The following ERMP1 variants were observed in gnomAD, a reference collection of about 807,000 sequenced individuals.
ERMP1 encodes endoplasmic reticulum metallopeptidase 1, also known as Felix-ina.
ERMP1 carries 86 observed loss-of-function variants against 92.0 expected under a neutral mutation model. The ratio of observed to expected loss-of-function variants is 0.93; its 90% CI spans 0.79 to 1.12. The LOEUF is 1.12. Among genes scored for constraint, ERMP1 ranks in the 50% most tolerant of loss-of-function variants. The probability of loss-of-function intolerance (pLI) is 0.00; values close to 1 mark genes in which losing one functional copy is unlikely to be tolerated. For missense variants in ERMP1, 1,342 were observed against 1,116.3 expected, an observed-to-expected ratio of 1.20 and a Z score of -2.88; for synonymous variants, 530 against 412.8, an observed-to-expected ratio of 1.28 and a Z score of -3.44.
At chr9:5,803,016 G>T (rs554085041) in intron 10 of ERMP1, among the ~76,000 whole-genome samples, 2 of 151,026 alleles carry the variant, frequency 1.3e-5, no homozygotes, top group African/African-American at 4.8e-5. Context: ...CTGAGTGACA[G>T]AGCGAGACTC....
At chr9:5,846,643 G>A (rs925084041) in intron 6 of ERMP1, among the ~76,000 whole-genome samples, 1 of 152,240 alleles carries the variant, frequency 6.6e-6, no homozygotes, top group Middle Eastern at 3.4e-3. Flanking sequence ...ACTTACTCCC[G>A]TGGGTGTGAA....
rs1827968061 is a variant in ERMP1 at position 5,787,036 on chromosome 9, T to G, written c.*108A>C. 1 of 1,151,622 alleles carries G rather than the reference T, an allele frequency of 8.7e-7. No homozygotes were observed. The highest frequency in any genetic ancestry group is 1.6e-5 in the South Asian group (1 of 63,622). 71.3% of individuals were successfully genotyped at this position (1,151,622 alleles called of 1,614,324 possible). On this transcript the variant is annotated 3_prime_UTR_variant, in exon 15 of 15. Transcript: ENST00000339450. Reference sequence around the variant, plus strand: ...TAACCCAGAAAGCTCTTTGAACATATGATCATTAAAATTCATTGACTTACG... The same window carrying G: ...TAACCCAGAAAGCTCTTTGAACATAGGATCATTAAAATTCATTGACTTACG...
At position 5,832,859 on chromosome 9, in the gene ERMP1, T is replaced by C. The variant is rs1430814466; in HGVS notation, c.169A>G (p.Ser57Gly). The C allele has an allele frequency of 2.6e-6, 4 of 1,514,134 alleles. No individual in the cohort carries two copies. The highest frequency in any genetic ancestry group is 8.8e-7 in the Non-Finnish European group (1 of 1,139,970). The allele number at this position is 1,514,134 out of a possible 1,614,324, so 93.8% of individuals were successfully genotyped here. A position where few individuals can be genotyped will look rare whatever the true frequency, so the allele number is the denominator to read the frequency against. Residue 57 changes from serine (S) to glycine (G), a missense_variant, in exon 1 of 15, where the codon AGC (serine) becomes GGC (glycine). Transcript: ENST00000339450. ...CCCGCGCCCCTGCTCGCGCCGCCGC[T>C]ACCCCCGGGGCTCCTCTTCCGCGTC... ...GRTRKRSPGG[S>G]GGASRGAGTG...
intron 4 of ERMP1, among the ~76,000 whole-genome samples, chr9:5,814,064 A>T (rs1829211774): frequency 6.6e-6 from 1 of 152,178 alleles, no homozygotes; most frequent in South Asian, 2.1e-4. Context: ...TGCTCTAGCC[A>T]ACAGACTGTG....
At chr9:5,819,261 C>T (rs149002792) in intron 4 of ERMP1, among the ~76,000 whole-genome samples, 4 of 152,192 alleles carry the variant, frequency 2.6e-5, no homozygotes, top group East Asian at 3.9e-4. Context: ...CTAATACATG[C>T]GACAATGTGG....
At chr9:5,813,755 A>C (rs1829197710) in intron 4 of ERMP1, among the ~76,000 whole-genome samples, 2 of 151,422 alleles carry the variant, frequency 1.3e-5, no homozygotes, top group Admixed American at 6.6e-5. Context: ...ACTTTTTATA[A>C]TTTATCATTA....
chr9:5,812,897 T>A lies in ERMP1; in HGVS notation c.1013A>T (p.Asn338Ile). The change falls in exon 5 of 15, where the codon AAC (asparagine) becomes ATC (isoleucine). Residue 338 changes from asparagine to isoleucine, a missense_variant. Physicochemically the swap from Asn to Ile is moderately radical, Grantham distance 149 (BLOSUM62 -3). Coordinates refer to ENST00000339450, the MANE Select transcript of ERMP1 (RefSeq NM_024896.3). Reference protein sequence around the residue: ...TDFRIYRDFGNIPGIDLAFIE... With the variant: ...TDFRIYRDFGIIPGIDLAFIE... ...AACCATTGACAATATACCTGGAATG[T>A]TCCCAAAATCCCTGTAGATACGAAA... 6.2e-7 allele frequency: 1 copy of A among 1,613,996 alleles called. No homozygotes were observed. The highest frequency in any genetic ancestry group is 8.5e-7 in the Non-Finnish European group (1 of 1,179,866).
At chr9:5,791,189 G>C (rs906207170) in intron 13 of ERMP1, 3 of 456,432 alleles carry the variant, frequency 6.6e-6, no homozygotes, top group Admixed American at 2.4e-5. Flanking sequence ...AAGAGAGAGA[G>C]AGACAGAGAG....
At chr9:5,805,552 G>T in intron 9 of ERMP1, 59 bp downstream of exon 9, 1 of 1,423,488 alleles carries the variant, frequency 7.0e-7, no homozygotes, top group Non-Finnish European at 9.3e-7. Context: ...AAGAGTCCCT[G>T]AAAGCCTTAA....
At chr9:5,837,894 G>A (rs1830112767), upstream of ERMP1, among the ~76,000 whole-genome samples, 4 of 152,162 alleles carry the variant, frequency 2.6e-5, no homozygotes, top group South Asian at 8.3e-4. Flanking sequence ...CTTGAGGCCA[G>A]GAATTCGAGA....
chr9:5,855,168 G>A lies in ERMP1; in HGVS notation n.3199+4300C>T, dbSNP rs116309863. On this transcript the variant is annotated intron_variant and non_coding_transcript_variant, in intron 6 of 6. Transcript: ENST00000690753. ...TGTAATAGCCTAAGAAAAAACAGAT[G>A]TCAAAAATATATAGTCTAAAAAAAT... Among the ~76,000 whole-genome samples the A allele has an allele frequency of 3.8e-3, 580 of 152,284 alleles. 6 individuals are homozygous for A. Among genetic ancestry groups the A allele is most frequent in the African/African-American group, 0.013 (551 of 41,562 alleles).
intron 13 of ERMP1, among the ~76,000 whole-genome samples, chr9:5,789,832 T>TG (rs1185439677): frequency 6.7e-6 from 1 of 148,770 alleles, no homozygotes; most frequent in South Asian, 2.1e-4. Context: ...TACAGATGCA[T>TG]GCTACAAACC....
intron 13 of ERMP1, among the ~76,000 whole-genome samples, chr9:5,794,024 A>C (rs1282868429): frequency 6.6e-6 from 1 of 152,134 alleles, no homozygotes; most frequent in African/African-American, 2.4e-5. Context: ...ACATTCATCA[A>C]GAGAGACCAC....
intron 6 of ERMP1, among the ~76,000 whole-genome samples, chr9:5,850,374 C>T (rs1462126816): frequency 8.0e-6 from 1 of 124,664 alleles, no homozygotes; most frequent in Admixed American, 1.0e-4. Flanking sequence ...CATTGCACTC[C>T]AGCCTGGGCG....
At chr9:5,857,754 G>A (rs976854090) in intron 6 of ERMP1, among the ~76,000 whole-genome samples, 3 of 152,136 alleles carry the variant, frequency 2.0e-5, no homozygotes, top group Non-Finnish European at 4.4e-5. Context: ...AGCCTTGACT[G>A]GGATCCCTAG....
chr9:5,802,937 G>A (rs549616865), intron 10 of ERMP1, among the ~76,000 whole-genome samples: 3 of 152,100 alleles, frequency 2.0e-5, no homozygotes, highest in African/African-American at 7.2e-5. Context: ...GAAGGCCGAG[G>A]CACGAGAATT....
intron 6 of ERMP1, among the ~76,000 whole-genome samples, chr9:5,858,364 C>T (rs183306256): frequency 2.0e-5 from 3 of 152,152 alleles, no homozygotes; most frequent in Non-Finnish European, 4.4e-5. Flanking sequence ...GAGGGTAAGA[C>T]CATGTTGAAC....
At chr9:5,795,041 A>C (rs374169203) in intron 13 of ERMP1, among the ~76,000 whole-genome samples, 81 of 152,334 alleles carry the variant, frequency 5.3e-4, no homozygotes, top group African/African-American at 1.8e-3. Context: ...AAAAGGTTTT[A>C]TACACCATAA....
chr9:5,837,687 T>C (rs1052452755), upstream of ERMP1, among the ~76,000 whole-genome samples: 2 of 152,198 alleles, frequency 1.3e-5, no homozygotes, highest in African/African-American at 4.8e-5. Flanking sequence ...TGTGTGTATA[T>C]GCATGCGTGC....
Sources: allele counts gnomAD v4.1 joint callset (sites outside exome capture counted in the v4.1 genomes callset), GRCh38; gene constraint gnomAD v4.1.1; transcripts MANE v1.5; gene names NCBI Gene and HGNC (gene_info 2026-07-23, HGNC 2026-07-21).